EEF2: variants seen among roughly 807,000 people sequenced by gnomAD.
EEF2 encodes the protein elongation factor 2.
In EEF2, 21 loss-of-function variants were observed where a neutral mutation model predicts 85.3. That is an observed-to-expected ratio of 0.25 (90% CI 0.17 to 0.35). EEF2 has a LOEUF of 0.35. Ranked by LOEUF, EEF2 falls within the 10% of genes least tolerant of loss-of-function variation. EEF2 has a pLI of 1.00. For missense variants in EEF2, 825 were observed against 1,225.3 expected (o/e 0.67, Z 4.88); for synonymous variants, 723 against 508.8 (o/e 1.42, Z -5.67).
intron 10 of EEF2, 45 bp downstream of exon 10, chr19:3,979,762 TC>T: frequency 1.3e-6 from 2 of 1,588,398 alleles, no homozygotes; most frequent in Non-Finnish European, 8.6e-7. Context: ...ACACAAGCCG[TC>T]CCCCCTCAGG....
chr19:3,983,846 G>A (rs2039786190), intron 2 of EEF2: 1 of 473,962 alleles, frequency 2.1e-6, no homozygotes, highest in Non-Finnish European at 3.9e-6. Flanking sequence ...CCTCCCAGGT[G>A]TGACAGCCAA....
Position 3,978,059 on chromosome 19 carries a change from G to A in EEF2, c.1827C>T (p.Phe609=), listed in dbSNP as rs1020646538. 1.3e-6 allele frequency: 2 copies of A among 1,583,136 alleles called. No homozygotes were observed. Among genetic ancestry groups the A allele is most frequent in the Admixed American group, 1.8e-5 (1 of 57,080 alleles). Residue 609 remains phenylalanine (F), a synonymous_variant, in exon 12 of 15, where the codon TTC becomes TTT. Coordinates refer to ENST00000309311, the MANE Select transcript of EEF2 (RefSeq NM_001961.4). The part of the protein sequence containing the change: ...HNRLYMKARP[F]PDGLAEDIDK... ...CGATGTCCTCGGCCAGGCCGTCGGG[G>A]AAGGGCCGCGCCTTCATGTACAGCC...
At chr19:3,983,368 C>T in intron 2 of EEF2, 77 bp from the exon 3 acceptor site, 3 of 1,470,282 alleles carry the variant, frequency 2.0e-6, no homozygotes, top group Non-Finnish European at 2.8e-6. Context: ...TGTCAGAAGC[C>T]AGGCTGCTCC....
Position 3,980,836 on chromosome 19 carries a change from C to T in EEF2, c.1150+5G>A, listed in dbSNP as rs1185999002. The T allele has an allele frequency of 3.2e-6, 5 of 1,571,348 alleles. No homozygotes were observed. The highest frequency in any genetic ancestry group is 1.4e-5 in the African/African-American group (1 of 73,982). ...TCTCAGGGCCCGGCCACCGGGACCACGTACCCATGGCAGCCTCGTCGTCCG... is the reference window on the plus strand; with the variant it reads ...TCTCAGGGCCCGGCCACCGGGACCATGTACCCATGGCAGCCTCGTCGTCCG... On this transcript the variant is annotated splice_donor_5th_base_variant and intron_variant, in intron 8 of 14. Transcript: ENST00000309311.
chr19:3,977,179 G>A lies in EEF2; in HGVS notation c.2383+36C>T, dbSNP rs2039688693. On this transcript the variant is annotated intron_variant, in intron 14 of 14. Transcript: ENST00000309311. This position sits in a 1 kb window ranked among gnomAD's most constrained non-coding sequence, Gnocchi z 5.4. ...GGGCTTCTGTCCCCCAAACCAGCCT[G>A]CCAGGCTCTGCAGGCCACACCGGGC... 6.2e-7 allele frequency: 1 copy of A among 1,602,932 alleles called. No individual in the cohort carries two copies. Among genetic ancestry groups the A allele is most frequent in the African/African-American group, 1.3e-5 (1 of 74,824 alleles).
rs1599191157 is a variant in EEF2, at chr19:3,978,014, G to A, written c.1872C>T (p.Ala624=). The change falls in exon 12 of 15, where the codon GCC becomes GCT. Residue 624 remains alanine (A), a synonymous_variant. Transcript: ENST00000309311. ...AEDIDKGEVS[A]RQELKQRARY... The stretch of plus-strand genomic sequence containing the variant: ...GCGCCCGCTGCTTGAGCTCCTGACG[G>A]GCGGACACCTCGCCTTTATCGATGT... 4 of 1,610,892 alleles carry A rather than the reference G, an allele frequency of 2.5e-6. No homozygotes were observed. The highest frequency in any genetic ancestry group is 3.4e-6 in the Non-Finnish European group (4 of 1,178,246).
At position 3,977,158 on chromosome 19, in the gene EEF2, TTC is replaced by T; in HGVS notation, c.2383+55_2383+56del. 1 of 1,590,430 alleles carries T rather than the reference TTC, an allele frequency of 6.3e-7. No homozygotes were observed. The highest frequency in any genetic ancestry group is 1.3e-5 in the African/African-American group (1 of 74,592). ...AACACCTTGCTAAGCTTAACTGGGC[TTC>T]TGTCCCCCAAACCAGCCTGCCAGGC... On this transcript the variant is annotated intron_variant, in intron 14 of 14. Transcript: ENST00000309311. The surrounding 1 kb of genome is among the most constrained non-coding windows in gnomAD (Gnocchi z 5.4).
intron 11 of EEF2, among the ~76,000 whole-genome samples, chr19:3,978,843 C>T (rs12104134): frequency 0.085 from 11,778 of 138,744 alleles, 1,681 homozygotes; most frequent in African/African-American, 0.31. Context: ...AGCCCTGGGC[C>T]AGGCATGGTG....
chr19:3,983,165 C>T lies in EEF2; in HGVS notation c.345G>A (p.Val115=). The change falls in exon 3 of 15, where the codon GTG becomes GTA. Residue 115 remains valine (V), a synonymous_variant. Coordinates refer to ENST00000309311, the MANE Select transcript of EEF2 (RefSeq NM_001961.4). ...CATCGGTGACTCGGAGGGCAGCAGT[C>T]ACCTCCGAGGAGAAGTCGACATGCC... ...SPGHVDFSSE[V]TAALRVTDGA... is the part of the protein sequence containing the mutation. 6.2e-7 allele frequency: 1 copy of T among 1,614,110 alleles called. No individual in the cohort carries two copies.
At chr19:3,983,689 A>T (rs1019690614) in intron 2 of EEF2, among the ~76,000 whole-genome samples, 12 of 152,010 alleles carry the variant, frequency 7.9e-5, no homozygotes, top group African/African-American at 2.7e-4. Context: ...GTCCCTCACC[A>T]ATGTACCAAC....
At chr19:3,982,218 A>AT (rs2039759194) in intron 5 of EEF2, 28 bp downstream of exon 5, 2 of 1,611,650 alleles carry the variant, frequency 1.2e-6, no homozygotes, top group African/African-American at 2.7e-5. Flanking sequence ...GGTGTCAGGA[A>AT]TCCCCCACCA....
chr19:3,982,720 C>G, intron 4 of EEF2, 87 bp downstream of exon 4: 1 of 1,425,534 alleles, frequency 7.0e-7, no homozygotes, highest in Non-Finnish European at 9.6e-7. Context: ...AACACACTTC[C>G]AGTCCCCCTC....
chr19:3,978,987 G>T (rs950776638), intron 11 of EEF2, among the ~76,000 whole-genome samples: 2 of 151,726 alleles, frequency 1.3e-5, no homozygotes, highest in African/African-American at 4.8e-5. Context: ...AATTAGCCGG[G>T]CGTGGTAGCA....
chr19:3,978,284 G>A (rs1439662748), intron 11 of EEF2, 112 bp from the exon 12 acceptor site: 18 of 882,222 alleles, frequency 2.0e-5, no homozygotes, highest in Admixed American at 2.0e-4. Context: ...GCCTGGTAGA[G>A]CCACGTCAAT....
In EEF2 at chr19:3,976,274, GAA is replaced by G. The variant is rs372654501; in HGVS notation, c.*278_*279del. The G allele has an allele frequency of 2.0e-4, 85 of 433,984 alleles. 1 individual carries two copies. Among genetic ancestry groups the G allele is most frequent in the Middle Eastern group, 1.3e-3 (2 of 1,592 alleles). The allele number at this position is 433,984 out of a possible 1,614,324, so 26.9% of individuals were successfully genotyped here. ...ATCTGAGTTTCCCTCTGAAGAAATG[GAA>G]AAAGTGTTGGGTGTCCCATCCCGCC... On this transcript the variant is annotated 3_prime_UTR_variant, in exon 15 of 15. Coordinates refer to ENST00000309311, the MANE Select transcript of EEF2 (RefSeq NM_001961.4).
In EEF2 at chr19:3,979,392, G is replaced by T. The variant is rs779649274; in HGVS notation, c.1650C>A (p.Gly550=). The change falls in exon 11 of 15, where the codon GGC becomes GGA. Residue 550 remains glycine, a synonymous_variant. Coordinates refer to ENST00000309311, the MANE Select transcript of EEF2 (RefSeq NM_001961.4). ...ESGEHIIAGA[G]ELHLEICLKD... ...TCAGGCAGATCTCCAGGTGCAGCTC[G>T]CCGGCGCCCGCGATGATATGCTCTC... 1 of 1,613,942 alleles carries T rather than the reference G, an allele frequency of 6.2e-7. No homozygotes were observed. Among genetic ancestry groups the T allele is most frequent in the Non-Finnish European group, 8.5e-7 (1 of 1,180,014 alleles).
chr19:3,985,347 T>C (rs1309951116), intron 1 of EEF2, 31 bp downstream of exon 1: 1 of 1,465,898 alleles, frequency 6.8e-7, no homozygotes, highest in African/African-American at 1.4e-5. Context: ...CCGCCGCCGC[T>C]CCGGGGCACC....
intron 4 of EEF2, 42 bp from the exon 5 acceptor site, chr19:3,982,466 C>G (rs762219906): frequency 1.2e-5 from 19 of 1,612,692 alleles, no homozygotes; most frequent in Non-Finnish European, 1.6e-5. Context: ...AGGGCCCCTG[C>G]GCAGAGCCTG....
chr19:3,981,302 T>C (rs2039743320), intron 7 of EEF2, 37 bp downstream of exon 7: 2 of 1,587,514 alleles, frequency 1.3e-6, no homozygotes, highest in Non-Finnish European at 8.7e-7. Flanking sequence ...CAGCAGCCTG[T>C]GTTCCCTCCA....
Sources: allele counts gnomAD v4.1 joint callset (sites outside exome capture counted in the v4.1 genomes callset), GRCh38; gene constraint gnomAD v4.1.1; non-coding constraint Gnocchi (gnomAD v3.1); transcripts MANE v1.5; gene names NCBI Gene and HGNC (gene_info 2026-07-23, HGNC 2026-07-21).